FBXO25: variants seen among roughly 807,000 people sequenced by gnomAD.
FBXO25 encodes F-box only protein 25.
A neutral mutation model predicts 51.9 loss-of-function variants in FBXO25; 45 were observed. That is an observed-to-expected ratio of 0.87 (90% CI 0.68 to 1.11). FBXO25 has a LOEUF of 1.11. Ranked by LOEUF, FBXO25 falls within the 50% of genes most tolerant of loss-of-function variation. The pLI, the probability that FBXO25 is intolerant of heterozygous loss-of-function variation, is 0.00. For missense variants in FBXO25, 507 were observed against 428.5 expected (o/e 1.18, Z -1.62); for synonymous variants, 199 against 151.0 (o/e 1.32, Z -2.33).
chr8:440,341 G>T (rs1798351172), intron 5 of FBXO25, among the ~76,000 whole-genome samples: 1 of 152,218 alleles, frequency 6.6e-6, no homozygotes, highest in Non-Finnish European at 1.5e-5. Flanking sequence ...TTTTGAGGAG[G>T]ATTTAGGCAG....
At chr8:419,086 G>A (rs1460127593) in intron 2 of FBXO25, among the ~76,000 whole-genome samples, 3 of 152,124 alleles carry the variant, frequency 2.0e-5, no homozygotes, top group East Asian at 1.9e-4. Flanking sequence ...ACGGCTGGGC[G>A]TGGTGGCGCA....
Position 444,175 on chromosome 8 carries a change from G to A in FBXO25, c.382-5815G>A, listed in dbSNP as rs568771885. Among the ~76,000 whole-genome samples the A allele has an allele frequency of 8.4e-3, 1,279 of 152,332 alleles. 12 individuals carry two copies. Among genetic ancestry groups the A allele is most frequent in the African/African-American group, 0.029 (1,209 of 41,574 alleles). On this transcript the variant is annotated intron_variant, in intron 5 of 9. Transcript: ENST00000350302. Reference sequence around the variant, plus strand: ...AATGCTTACAGTTCATTATAAATCTGAAGGAACCCAAAGGCGAAGATTGAG... The same window carrying A: ...AATGCTTACAGTTCATTATAAATCTAAAGGAACCCAAAGGCGAAGATTGAG...
At chr8:413,406 CTT>C (rs879340184) in intron 2 of FBXO25, among the ~76,000 whole-genome samples, 193 bp downstream of exon 2, 1 of 146,254 alleles carries the variant, frequency 6.8e-6, no homozygotes, top group Non-Finnish European at 1.5e-5. Flanking sequence ...ATGCTTTCGT[CTT>C]TTTTTTTTTA....
chr8:475,054 T>G lies in FBXO25; in HGVS notation c.*6250T>G. ...AAATCACTGCCAAATCCAATGTTGT[T>G]AAAAGTTTCCCTTATGTTTCTCCTA... On this transcript the variant is annotated 3_prime_UTR_variant, in exon 10 of 10. Coordinates refer to ENST00000350302, the MANE Select transcript of FBXO25 (RefSeq NM_183420.2). The G allele has an allele frequency of 2.5e-6, 1 of 397,588 alleles. No homozygotes were observed. Among genetic ancestry groups the G allele is most frequent in the Non-Finnish European group, 4.9e-6 (1 of 205,194 alleles). The allele number at this position is 397,588 out of a possible 1,614,324, so 24.6% of individuals were successfully genotyped here. A position where few individuals can be genotyped will look rare whatever the true frequency, so the allele number is the denominator to read the frequency against.
chr8:449,387 G>C (rs1375947104), intron 5 of FBXO25, among the ~76,000 whole-genome samples: 2 of 152,244 alleles, frequency 1.3e-5, no homozygotes, highest in Non-Finnish European at 2.9e-5. Context: ...CGTGGGTTCT[G>C]TCACAGGGAT....
intron 7 of FBXO25, among the ~76,000 whole-genome samples, chr8:457,802 C>T (rs1799548270): frequency 6.6e-6 from 1 of 152,178 alleles, no homozygotes; most frequent in Non-Finnish European, 1.5e-5. Context: ...AGACAGATTG[C>T]ATTTATCAGT....
chr8:440,219 C>G (rs1228703959), intron 5 of FBXO25, among the ~76,000 whole-genome samples: 1 of 152,200 alleles, frequency 6.6e-6, no homozygotes, highest in Non-Finnish European at 1.5e-5. Context: ...TCCATAGTAT[C>G]TGGTAGATTT....
intron 9 of FBXO25, among the ~76,000 whole-genome samples, chr8:466,649 C>T (rs555022129): frequency 1.0e-3 from 157 of 152,294 alleles, no homozygotes; most frequent in Non-Finnish European, 1.4e-3. Flanking sequence ...TTATCACTTC[C>T]CACAGTACAT....
intron 5 of FBXO25, among the ~76,000 whole-genome samples, chr8:447,999 T>C (rs562763480): frequency 1.3e-5 from 2 of 152,152 alleles, no homozygotes; most frequent in Admixed American, 1.3e-4. Flanking sequence ...AAGACAGAGA[T>C]GTTTTGGGAA....
chr8:433,845 C>G (rs546780207), intron 4 of FBXO25, among the ~76,000 whole-genome samples: 1 of 152,160 alleles, frequency 6.6e-6, no homozygotes, highest in Non-Finnish European at 1.5e-5. Context: ...AAAACTTAAT[C>G]TGTTTGGTTA....
In FBXO25 at chr8:469,259, AT is replaced by A. The variant is rs547801004; in HGVS notation, c.*459del. ...GAATATTTATTTTTTCTCAAAATGC[AT>A]TTTAACTACTACATTGGCTGTGCCC... On this transcript the variant is annotated 3_prime_UTR_variant, in exon 10 of 10. Transcript: ENST00000350302. 2.3e-3 allele frequency: 358 copies of A among 153,934 alleles called. No individual in the cohort carries two copies. Among genetic ancestry groups the A allele is most frequent in the Admixed American group, 5.4e-3 (84 of 15,414 alleles). The allele number at this position is 153,934 out of a possible 1,614,324, so 9.5% of individuals were successfully genotyped here. A position where few individuals can be genotyped will look rare whatever the true frequency, so the allele number is the denominator to read the frequency against.
At chr8:440,300 G>A (rs1798348774) in intron 5 of FBXO25, among the ~76,000 whole-genome samples, 1 of 152,352 alleles carries the variant, frequency 6.6e-6, no homozygotes, top group East Asian at 1.9e-4. Context: ...GGAACAGTCT[G>A]TACTCTGTGT....
In FBXO25 at chr8:431,327, T is replaced by C. The variant is rs1322351036; in HGVS notation, c.135-14T>C. ...CCTGAAAAAATATTTTAATAGAATG[T>C]GTCTTTATTTCAGTATCTTAAATAG... On this transcript the variant is annotated splice_polypyrimidine_tract_variant and intron_variant, in intron 2 of 9. Transcript: ENST00000350302. The C allele has an allele frequency of 7.8e-7, 1 of 1,289,818 alleles. No homozygotes were observed. The highest frequency in any genetic ancestry group is 1.1e-6 in the Non-Finnish European group (1 of 922,926). 79.9% of individuals were successfully genotyped at this position (1,289,818 alleles called of 1,614,324 possible).
chr8:449,635 TTCTAGCC>T (rs1168102793), intron 5 of FBXO25, among the ~76,000 whole-genome samples: 1 of 152,228 alleles, frequency 6.6e-6, no homozygotes, highest in Non-Finnish European at 1.5e-5. Context: ...CAACCATTCA[TTCTAGCC>T]TCTTTCTGGT....
chr8:468,885 G>T lies in FBXO25; in HGVS notation c.*81G>T. ...TCATAGTGAGTGTTCTGTGAGGTGGGTGGAGACTCCTCGGAAGCCCCTGCT... is the reference window on the plus strand; with the variant it reads ...TCATAGTGAGTGTTCTGTGAGGTGGTTGGAGACTCCTCGGAAGCCCCTGCT... On this transcript the variant is annotated 3_prime_UTR_variant, in exon 10 of 10. Coordinates refer to ENST00000350302, the MANE Select transcript of FBXO25 (RefSeq NM_183420.2). 1 of 1,353,642 alleles carries T rather than the reference G, an allele frequency of 7.4e-7. No homozygotes were observed. The highest frequency in any genetic ancestry group is 2.6e-5 in the East Asian group (1 of 38,746). 83.9% of individuals were successfully genotyped at this position (1,353,642 alleles called of 1,614,324 possible).
chr8:461,022 C>T (rs1799774555), intron 8 of FBXO25, among the ~76,000 whole-genome samples: 8 of 152,114 alleles, frequency 5.3e-5, no homozygotes, highest in Admixed American at 4.6e-4. Context: ...GTTGTACAAA[C>T]AAGTTAAAAG....
chr8:439,660 T>C (rs1276959113), intron 5 of FBXO25, among the ~76,000 whole-genome samples: 2 of 152,212 alleles, frequency 1.3e-5, no homozygotes, highest in Admixed American at 6.5e-5. Flanking sequence ...AGTTTCTGTG[T>C]CCCTGGGCAT....
chr8:458,328 G>A lies in FBXO25; in HGVS notation c.661-41G>A, dbSNP rs1454392651. 2.5e-6 allele frequency: 4 copies of A among 1,592,830 alleles called. No homozygotes were observed. In the South Asian group the frequency reaches 4.6e-5, roughly 18 times the overall value. ...TTCAGTTACTGTGTGAACAAACATT[G>A]GCCATCTTCTCAGTGAGTTGCTGTT... is the stretch of plus-strand genomic sequence containing the variant. On this transcript the variant is annotated intron_variant, in intron 7 of 9. Coordinates refer to ENST00000350302, the MANE Select transcript of FBXO25 (RefSeq NM_183420.2).
chr8:418,973 G>A (rs1231203068), intron 2 of FBXO25, among the ~76,000 whole-genome samples: 1 of 152,074 alleles, frequency 6.6e-6, no homozygotes, highest in Admixed American at 6.5e-5. Flanking sequence ...ATGTAAAGTA[G>A]GCAGATTGCT....
Sources: gnomAD v4.1 joint callset for allele counts (sites outside exome capture counted in the v4.1 genomes callset) on GRCh38, gnomAD v4.1.1 for gene constraint, MANE v1.5 for transcripts, NCBI Gene and HGNC (gene_info 2026-07-23, HGNC 2026-07-21) for gene names.